The following HIPK3 variants were observed in gnomAD, a reference collection of about 807,000 sequenced individuals.
The protein encoded by HIPK3 is homeodomain-interacting protein kinase 3.
Under a neutral mutation model 124.2 loss-of-function variants are expected in HIPK3, and 47 were observed. That is an observed-to-expected ratio of 0.38 (90% confidence interval 0.30 to 0.48). The LOEUF is 0.48. HIPK3 is among the 20% of genes least tolerant of loss of function. The pLI is 0.98. For missense variants in HIPK3, 1,286 were observed against 1,454.3 expected, an observed-to-expected ratio of 0.88 and a Z score of 1.88; for synonymous variants, 482 against 515.2, an observed-to-expected ratio of 0.94 and a Z score of 0.87.
At chr11:33,317,024 C>T (rs1852522156) in intron 2 of HIPK3, among the ~76,000 whole-genome samples, 1 of 152,084 alleles carries the variant, frequency 6.6e-6, no homozygotes, top group Non-Finnish European at 1.5e-5. Flanking sequence ...CTCTGTTGCC[C>T]AGGCTGGTGC....
rs866877965 is a variant in HIPK3 at position 33,315,434 on chromosome 11, C to T, written c.1098-13076C>T. Among the ~76,000 whole-genome samples, 6 of 152,114 alleles carry T rather than the reference C, an allele frequency of 3.9e-5. No homozygotes were observed. In the South Asian group the frequency reaches 6.2e-4, roughly 16 times the overall value. On this transcript the variant is annotated intron_variant, in intron 2 of 16. Coordinates refer to ENST00000303296, the MANE Select transcript of HIPK3 (RefSeq NM_005734.5). ...TAGAGATGGGGCTTCACCATGTTGG[C>T]CAGGATGGTCTTGATCTCCTGACCT...
intron 1 of HIPK3, among the ~76,000 whole-genome samples, chr11:33,271,559 C>T (rs1211578318): frequency 6.6e-6 from 1 of 152,114 alleles, no homozygotes; most frequent in African/African-American, 2.4e-5. Context: ...GAGCAAGACC[C>T]TGTCTCAAAA....
At chr11:33,258,307 C>G in intron 1 of HIPK3, 1 of 985,444 alleles carries the variant, frequency 1.0e-6, no homozygotes, top group Non-Finnish European at 1.2e-6. Context: ...AGTCCTAGGC[C>G]GTAACTACGG....
At chr11:33,272,214 A>G (rs539004113) in intron 1 of HIPK3, among the ~76,000 whole-genome samples, 2 of 152,282 alleles carry the variant, frequency 1.3e-5, no homozygotes, top group East Asian at 3.9e-4. Context: ...CCTGGCCAAC[A>G]TGGTGAAACC....
chr11:33,311,996 A>ACACACACC (rs1273185687), intron 2 of HIPK3, among the ~76,000 whole-genome samples: 10 of 147,320 alleles, frequency 6.8e-5, no homozygotes, highest in African/African-American at 2.5e-5. Flanking sequence ...ACACACACAC[A>ACACACACC]CCACGAAAAA....
At chr11:33,328,461 A>G (rs752780349) in intron 2 of HIPK3, 49 bp from the exon 3 acceptor site, 8 of 1,580,556 alleles carry the variant, frequency 5.1e-6, no homozygotes, top group Non-Finnish European at 6.9e-6. Flanking sequence ...GAAATTAGGT[A>G]ATTTTAGAGA....
In HIPK3 at chr11:33,340,066, C is replaced by G. The variant is rs537965898; in HGVS notation, c.1613+532C>G. Among the ~76,000 whole-genome samples the G allele has an allele frequency of 9.2e-5, 14 of 152,088 alleles. No individual in the cohort carries two copies. In the South Asian group the frequency reaches 2.9e-3, roughly 32 times the overall value. On this transcript the variant is annotated intron_variant, in intron 6 of 16. Transcript: ENST00000303296. The stretch of plus-strand genomic sequence containing the variant: ...CCAAAGGCCTTAAATATTACAAATT[C>G]TTTGTGTTTTGTTTGTTTGTTTGTT...
intron 2 of HIPK3, among the ~76,000 whole-genome samples, chr11:33,308,196 T>A (rs1852220899): frequency 6.6e-6 from 1 of 152,220 alleles, no homozygotes; most frequent in African/African-American, 2.4e-5. Context: ...CAGTGACAGC[T>A]GCCATATTCA....
chr11:33,355,575 T>C lies in HIPK3; in HGVS notation c.*2007T>C, dbSNP rs957966200. 38 of 152,056 alleles carry C rather than the reference T, an allele frequency of 2.5e-4. No individual in the cohort carries two copies. The highest frequency in any genetic ancestry group is 8.9e-4 in the African/African-American group (37 of 41,442). The allele number at this position is 152,056 out of a possible 1,614,324, so 9.4% of individuals were successfully genotyped here. ...CTTTGATAAATGAATTGTATACCAC[T>C]AGTACAGCTCTAGTACAGCGTTCAC... On this transcript the variant is annotated 3_prime_UTR_variant, in exon 17 of 17. Transcript: ENST00000303296.
rs1851570934 is a variant in HIPK3 at position 33,286,861 on chromosome 11, A to G, written c.447A>G (p.Ile149Met). The G allele has an allele frequency of 9.9e-6, 16 of 1,614,070 alleles. No individual in the cohort carries two copies. The highest frequency in any genetic ancestry group is 1.3e-5 in the Non-Finnish European group (15 of 1,180,036). ...TGCAGATTGTCGATGAATTGTCCAT[A>G]CTTCCTGCAATGTTGCAAACCAACA... Reference protein sequence around the residue: ...SAMQIVDELSILPAMLQTNMG... With the variant: ...SAMQIVDELSMLPAMLQTNMG... Residue 149 changes from isoleucine to methionine, a missense_variant, in exon 2 of 17, where the codon ATA (isoleucine) becomes ATG (methionine). Ile to Met is a conservative substitution (Grantham distance 10). Around this residue, in one of 3 missense-constraint regions of HIPK3, gnomAD observed 225 missense variants for 240.3 expected, o/e 0.94. Coordinates refer to ENST00000303296, the MANE Select transcript of HIPK3 (RefSeq NM_005734.5).
At chr11:33,319,727 C>A (rs1416732612) in intron 2 of HIPK3, among the ~76,000 whole-genome samples, 1 of 151,980 alleles carries the variant, frequency 6.6e-6, no homozygotes, top group African/African-American at 2.4e-5. Context: ...ATTCATTGAA[C>A]AAATAATGAA....
At chr11:33,332,349 G>A (rs560468466) in intron 3 of HIPK3, among the ~76,000 whole-genome samples, 2 of 152,258 alleles carry the variant, frequency 1.3e-5, no homozygotes, top group African/African-American at 4.8e-5. Flanking sequence ...TTGTTACAGT[G>A]CGTGAATCCC....
At chr11:33,292,827 C>G (rs1431325180) in intron 2 of HIPK3, among the ~76,000 whole-genome samples, 1 of 152,134 alleles carries the variant, frequency 6.6e-6, no homozygotes, top group Non-Finnish European at 1.5e-5. Context: ...GCTCCGCGTC[C>G]CGGGTTCACG....
At chr11:33,270,563 A>G (rs1337527244) in intron 1 of HIPK3, among the ~76,000 whole-genome samples, 2 of 152,248 alleles carry the variant, frequency 1.3e-5, no homozygotes, top group African/African-American at 2.4e-5. Flanking sequence ...TGCTTATTAC[A>G]ACTTTATATG....
chr11:33,348,632 A>T lies in HIPK3; in HGVS notation c.2480A>T (p.Gln827Leu). ...AGTTGTATAGAAACACAGGACAATC[A>T]GAACTCAGAAGGAGAGGCAAGAAAT... Reference protein sequence around the residue: ...EVSCIETQDNQNSEGEARNCC... With the variant: ...EVSCIETQDNLNSEGEARNCC... The change falls in exon 13 of 17, where the codon CAG becomes CTG. Residue 827 changes from glutamine (Q) to leucine (L), a missense_variant. Transcript: ENST00000303296. 1 of 1,614,206 alleles carries T rather than the reference A, an allele frequency of 6.2e-7. No homozygotes were observed. The highest frequency in any genetic ancestry group is 8.5e-7 in the Non-Finnish European group (1 of 1,180,008).
Position 33,287,246 on chromosome 11 carries a change from C to G in HIPK3, c.832C>G (p.Leu278Val). 2 of 1,614,116 alleles carry G rather than the reference C, an allele frequency of 1.2e-6. No individual in the cohort carries two copies. The highest frequency in any genetic ancestry group is 1.7e-6 in the Non-Finnish European group (2 of 1,180,020). The change falls in exon 2 of 17, where the codon CTG becomes GTG. Residue 278 changes from leucine to valine, a missense_variant. Around this residue, in one of 3 missense-constraint regions of HIPK3, gnomAD observed 251 missense variants for 349.1 expected, o/e 0.72. Transcript: ENST00000303296. ...RNHTCLVFEM[L>V]EQNLYDFLKQ... ...CCATACTTGTTTAGTCTTTGAGATG[C>G]TGGAACAAAACTTGTATGACTTTCT...
At chr11:33,332,440 A>G (rs1166385321) in intron 3 of HIPK3, among the ~76,000 whole-genome samples, 2 of 152,196 alleles carry the variant, frequency 1.3e-5, no homozygotes, top group African/African-American at 2.4e-5. Context: ...TATCAAAAGT[A>G]TTCTAGGGAA....
At chr11:33,314,719 AATT>A (rs1289021356) in intron 2 of HIPK3, among the ~76,000 whole-genome samples, 2 of 152,194 alleles carry the variant, frequency 1.3e-5, no homozygotes, top group African/African-American at 4.8e-5. Flanking sequence ...CAACATTTTA[AATT>A]ATTGTTAATA....
At chr11:33,282,542 G>T (rs1851438474) in intron 1 of HIPK3, among the ~76,000 whole-genome samples, 1 of 152,154 alleles carries the variant, frequency 6.6e-6, no homozygotes, top group South Asian at 2.1e-4. Context: ...CATTAGCTGG[G>T]TGTGGTGGCA....
Sources: allele counts gnomAD v4.1 joint callset (sites outside exome capture counted in the v4.1 genomes callset), GRCh38; gene constraint gnomAD v4.1.1; regional missense constraint gnomAD v4.1.1; transcripts MANE v1.5; gene names NCBI Gene and HGNC (gene_info 2026-07-23, HGNC 2026-07-21).